DCAF5: variants seen among roughly 807,000 people sequenced by gnomAD.
DCAF5 encodes the protein DDB1 and CUL4 associated factor 5, also known as DDB1- and CUL4-associated factor 5.
Under a neutral mutation model 80.7 loss-of-function variants are expected in DCAF5, and 9 were observed. The observed-to-expected ratio is 0.11, with a 90% CI of 0.07 to 0.19. The LOEUF is 0.19. Among genes scored for constraint, DCAF5 ranks in the 10% least tolerant of loss-of-function variants. The pLI is 1.00. For synonymous variants in DCAF5, 433 were observed against 461.9 expected, an observed-to-expected ratio of 0.94 and a Z score of 0.80; for missense variants, 842 against 1,205.7, an observed-to-expected ratio of 0.70 and a Z score of 4.47.
chr14:69,077,018 C>A (rs956596891), intron 6 of DCAF5, among the ~76,000 whole-genome samples: 1 of 152,208 alleles, frequency 6.6e-6, no homozygotes, highest in Non-Finnish European at 1.5e-5. Context: ...TGTGCCAGAT[C>A]TACTCTAATG....
chr14:69,096,834 A>G (rs1388188662), intron 5 of DCAF5, among the ~76,000 whole-genome samples: 1 of 152,230 alleles, frequency 6.6e-6, no homozygotes, highest in Non-Finnish European at 1.5e-5. Context: ...ATTTTCATAA[A>G]TAGCCATTTA....
chr14:69,085,990 A>T (rs1335224796), intron 6 of DCAF5, among the ~76,000 whole-genome samples: 4 of 152,196 alleles, frequency 2.6e-5, no homozygotes, highest in African/African-American at 9.6e-5. Context: ...GCCGTTTCAC[A>T]CTACTGTCGG....
chr14:69,058,533 A>AAT (rs1356177376), intron 8 of DCAF5, among the ~76,000 whole-genome samples: 1 of 130,566 alleles, frequency 7.7e-6, no homozygotes, highest in East Asian at 1.0e-3. Flanking sequence ...AAAGAAAAAA[A>AAT]ATACATATAT....
chr14:69,116,631 A>C, intron 4 of DCAF5, 136 bp from the exon 5 acceptor site: 5 of 986,416 alleles, frequency 5.1e-6, no homozygotes, highest in Non-Finnish European at 7.4e-6. Flanking sequence ...AAAACAGCAC[A>C]TAATCCCACC....
intron 8 of DCAF5, among the ~76,000 whole-genome samples, chr14:69,062,108 T>C (rs1161798756): frequency 6.6e-6 from 1 of 152,126 alleles, no homozygotes; most frequent in Non-Finnish European, 1.5e-5. Flanking sequence ...TTTAAGATGA[T>C]GTCTTGCTAT....
Position 69,118,325 on chromosome 14 carries a change from A to G in DCAF5, c.396-47T>C, listed in dbSNP as rs369794976. The G allele has an allele frequency of 6.3e-7, 1 of 1,597,326 alleles. No individual in the cohort carries two copies. The highest frequency in any genetic ancestry group is 1.1e-5 in the South Asian group (1 of 89,756). ...CAGAGGCACACACATACACACAAGC[A>G]TAGTGCAGAGTCCCAGCACTTTGGT... On this transcript the variant is annotated intron_variant, in intron 3 of 8. Coordinates refer to ENST00000341516, the MANE Select transcript of DCAF5 (RefSeq NM_003861.3). The surrounding 1 kb of genome is among the most constrained non-coding windows in gnomAD (Gnocchi z 4.0).
intron 8 of DCAF5, among the ~76,000 whole-genome samples, chr14:69,060,456 C>T (rs2038164024): frequency 6.6e-6 from 1 of 152,146 alleles, no homozygotes; most frequent in Non-Finnish European, 1.5e-5. Context: ...AGCTCTGATC[C>T]ACAAGACCAG....
intron 1 of DCAF5, among the ~76,000 whole-genome samples, chr14:69,151,489 G>A (rs1207759127): frequency 6.6e-6 from 1 of 152,216 alleles, no homozygotes; most frequent in Non-Finnish European, 1.5e-5. Flanking sequence ...CCTGGGTGAA[G>A]CTAAGCGCCA....
At chr14:69,086,391 C>A (rs2039321518) in intron 6 of DCAF5, among the ~76,000 whole-genome samples, 1 of 150,824 alleles carries the variant, frequency 6.6e-6, no homozygotes, top group South Asian at 2.1e-4. Flanking sequence ...AACAAAAAAA[C>A]ATAATAGTGG....
Position 69,116,396 on chromosome 14 carries a change from A to G in DCAF5, c.635T>C (p.Val212Ala). The G allele has an allele frequency of 6.2e-7, 1 of 1,613,338 alleles. No individual in the cohort carries two copies. The highest frequency in any genetic ancestry group is 8.5e-7 in the Non-Finnish European group (1 of 1,179,516). ...AGGTTTTCGAATGTCCCAGAGTCCCACTCCTTCCTTTGAATTGGCTGTGGC... is the reference window on the plus strand; with the variant it reads ...AGGTTTTCGAATGTCCCAGAGTCCCGCTCCTTCCTTTGAATTGGCTGTGGC... Reference protein sequence around the residue: ...LLATANSKEGVGLWDIRKPQS... With the variant: ...LLATANSKEGAGLWDIRKPQS... The change falls in exon 5 of 9, where the codon GTG becomes GCG. Residue 212 changes from valine to alanine, a missense_variant. Val to Ala is a moderately conservative substitution (Grantham distance 64). This residue lies in a region of DCAF5 where 142 missense variants were observed against 311.9 expected (regional missense o/e 0.46). Transcript: ENST00000341516.
At chr14:69,128,473 T>G (rs1194272374) in intron 1 of DCAF5, among the ~76,000 whole-genome samples, 1 of 152,186 alleles carries the variant, frequency 6.6e-6, no homozygotes, top group African/African-American at 2.4e-5. Flanking sequence ...GGCGTGAGCC[T>G]GGCTGAATAT....
chr14:69,054,692 T>C lies in DCAF5; in HGVS notation c.1994A>G (p.Lys665Arg). 1.2e-6 allele frequency: 2 copies of C among 1,614,234 alleles called. No individual in the cohort carries two copies. Among genetic ancestry groups the C allele is most frequent in the Non-Finnish European group, 1.7e-6 (2 of 1,180,032 alleles). The change falls in exon 9 of 9, where the codon AAG becomes AGG. Residue 665 changes from lysine (K) to arginine (R), a missense_variant. Transcript: ENST00000341516. ...GGAGATATAAGAGTAGCGGAGCCAC[T>C]TGTAAGCTTTATAAATTTTTCGCTC... Reference protein sequence around the residue: ...SVERKIYKAYKWLRYSYISYS... With the variant: ...SVERKIYKAYRWLRYSYISYS...
chr14:69,130,876 G>A (rs745909843), intron 1 of DCAF5, among the ~76,000 whole-genome samples: 128 of 152,242 alleles, frequency 8.4e-4, no homozygotes, highest in Non-Finnish European at 1.6e-3. Flanking sequence ...TCTTGGTTTC[G>A]CCATTCATGT....
Position 69,055,551 on chromosome 14 carries a change from C to T in DCAF5, c.1135G>A (p.Asp379Asn), listed in dbSNP as rs1031358530. The change falls in exon 9 of 9, where the codon GAT (aspartate) becomes AAT (asparagine). Residue 379 changes from aspartate to asparagine, a missense_variant. Coordinates refer to ENST00000341516, the MANE Select transcript of DCAF5 (RefSeq NM_003861.3). This position sits in a 1 kb window ranked among gnomAD's most constrained non-coding sequence, Gnocchi z 5.6. ...TGDLDGRIED[D>N]SRCLYTHEEY... ...TCATGGGTATAGAGGCAGCGGGAAT[C>T]GTCCTCAATCCGACCGTCGAGGTCT... 3 of 1,612,508 alleles carry T rather than the reference C, an allele frequency of 1.9e-6. No individual in the cohort carries two copies. Among genetic ancestry groups the T allele is most frequent in the East Asian group, 2.2e-5 (1 of 44,818 alleles).
At position 69,152,526 on chromosome 14, in the gene DCAF5, T is replaced by G. The variant is rs2041740324; in HGVS notation, c.214+239A>C. Reference sequence around the variant, plus strand: ...GGCATCAGGAGAGATCACTTTGCACTTGGGATAAAGCGAATTAAGGAGCTG... The same window carrying G: ...GGCATCAGGAGAGATCACTTTGCACGTGGGATAAAGCGAATTAAGGAGCTG... On this transcript the variant is annotated intron_variant, in intron 1 of 8. Transcript: ENST00000341516. This position sits in a 1 kb window ranked among gnomAD's most constrained non-coding sequence, Gnocchi z 4.1. The G allele has an allele frequency of 4.1e-5, 22 of 542,736 alleles. No individual in the cohort carries two copies. In the South Asian group the frequency reaches 4.7e-4, roughly 12 times the overall value. 33.6% of individuals were successfully genotyped at this position (542,736 alleles called of 1,614,324 possible).
rs1024670863 is a variant in DCAF5, at chr14:69,053,579, G to C, written c.*278C>G. 2.7e-6 allele frequency: 1 copy of C among 365,506 alleles called. No homozygotes were observed. The highest frequency in any genetic ancestry group is 4.9e-6 in the Non-Finnish European group (1 of 203,068). 22.6% of individuals were successfully genotyped at this position (365,506 alleles called of 1,614,324 possible). Reference sequence around the variant, plus strand: ...GTCTCAACAAAGATTTACTTCCACAGAGCCTTGCGCGGCACACTACGCTCA... The same window carrying C: ...GTCTCAACAAAGATTTACTTCCACACAGCCTTGCGCGGCACACTACGCTCA... On this transcript the variant is annotated 3_prime_UTR_variant, in exon 9 of 9. Transcript: ENST00000341516.
Position 69,054,845 on chromosome 14 carries a change from T to C in DCAF5, c.1841A>G (p.Asn614Ser), listed in dbSNP as rs371830317. The change falls in exon 9 of 9, where the codon AAC (asparagine) becomes AGC (serine). Residue 614 changes from asparagine to serine, a missense_variant. By Grantham distance (46) the Asn-to-Ser change is conservative (BLOSUM62 1). Around this residue, in one of 5 missense-constraint regions of DCAF5, gnomAD observed 607 missense variants for 656.6 expected, o/e 0.92. Transcript: ENST00000341516. ...CACTTTGATCTGGGGGTAATCATAG[T>C]TGTCTTCTCCAATGTAAGTGTTGGT... ...KPTNTYIGED[N>S]YDYPQIKVDD... 2 of 1,614,056 alleles carry C rather than the reference T, an allele frequency of 1.2e-6. No individual in the cohort carries two copies. Among genetic ancestry groups the C allele is most frequent in the African/African-American group, 2.7e-5 (2 of 74,916 alleles).
At position 69,054,617 on chromosome 14, in the gene DCAF5, T is replaced by C. The variant is rs2037881600; in HGVS notation, c.2069A>G (p.Asp690Gly). 3 of 1,614,206 alleles carry C rather than the reference T, an allele frequency of 1.9e-6. No homozygotes were observed. Among genetic ancestry groups the C allele is most frequent in the Middle Eastern group, 1.7e-4 (1 of 6,058 alleles). Reference protein sequence around the residue: ...GETSLVTGEADEGRAGTSHKD... With the variant: ...GETSLVTGEAGEGRAGTSHKD... ...GTGGCTGGTTCCTGCTCTCCCTTCA[T>C]CTGCCTCCCCGGTCACCAAGGAGGT... is the stretch of plus-strand genomic sequence containing the variant. The change falls in exon 9 of 9, where the codon GAT becomes GGT. Residue 690 changes from aspartate to glycine, a missense_variant. Asp to Gly is a moderately conservative substitution (Grantham distance 94). Transcript: ENST00000341516.
rs190841032 is a variant in DCAF5, at chr14:69,092,875, T to C, written c.666-988A>G. Among the ~76,000 whole-genome samples, 57 of 152,352 alleles carry C rather than the reference T, an allele frequency of 3.7e-4. 1 individual carries two copies. Among genetic ancestry groups the C allele is most frequent in the African/African-American group, 1.3e-3 (52 of 41,592 alleles). ...TTTAAAATATACTTTGGTTAATATA[T>C]AGAACTTCATTTATCTAGTTTCACT... On this transcript the variant is annotated intron_variant, in intron 5 of 8. Coordinates refer to ENST00000341516, the MANE Select transcript of DCAF5 (RefSeq NM_003861.3).
Sources: allele counts gnomAD v4.1 joint callset (sites outside exome capture counted in the v4.1 genomes callset), GRCh38; gene constraint gnomAD v4.1.1; regional missense constraint gnomAD v4.1.1; non-coding constraint Gnocchi (gnomAD v3.1); transcripts MANE v1.5; gene names NCBI Gene and HGNC (gene_info 2026-07-23, HGNC 2026-07-21).